The following LBP variants were observed in gnomAD, a reference collection of about 807,000 sequenced individuals.
The protein encoded by LBP is lipopolysaccharide binding protein, also known as lipopolysaccharide-binding protein.
LBP carries 53 observed loss-of-function variants against 56.6 expected under a neutral mutation model. The observed-to-expected ratio is 0.94, with a 90% CI of 0.75 to 1.18. The LOEUF (loss-of-function observed/expected upper bound fraction) is 1.18. Ranked by LOEUF, LBP falls within the 50% of genes most tolerant of loss-of-function variation. The pLI, the probability that LBP is intolerant of heterozygous loss-of-function variation, is 0.00. For missense variants in LBP, 601 were observed against 598.3 expected, an observed-to-expected ratio of 1.00 and a Z score of -0.05; for synonymous variants, 227 against 247.5, an observed-to-expected ratio of 0.92 and a Z score of 0.78.
chr20:38,350,179 G>A (rs1003131198), intron 2 of LBP, among the ~76,000 whole-genome samples: 4 of 152,146 alleles, frequency 2.6e-5, no homozygotes, highest in African/African-American at 9.7e-5. Flanking sequence ...GTGAAGAAAC[G>A]ACAATCAGAC....
intron 8 of LBP, among the ~76,000 whole-genome samples, chr20:38,365,293 C>G (rs2076876712): frequency 6.7e-6 from 1 of 150,176 alleles, no homozygotes; most frequent in African/African-American, 2.5e-5. Flanking sequence ...GACTTTGCAG[C>G]TTACTTATCT....
intron 6 of LBP, among the ~76,000 whole-genome samples, chr20:38,362,041 AT>A (rs2076861918): frequency 8.9e-6 from 1 of 112,210 alleles, no homozygotes; most frequent in Non-Finnish European, 1.9e-5. Context: ...TCACGCCTTT[AT>A]TTTTTGTTTT....
At chr20:38,364,369 T>G (rs2076872959) in intron 7 of LBP, among the ~76,000 whole-genome samples, 1 of 152,092 alleles carries the variant, frequency 6.6e-6, no homozygotes, top group Non-Finnish European at 1.5e-5. Context: ...CTAGGGCATA[T>G]AGAGGGGCTG....
At chr20:38,366,546 A>T (rs1337319562) in intron 8 of LBP, among the ~76,000 whole-genome samples, 1 of 152,204 alleles carries the variant, frequency 6.6e-6, no homozygotes, top group Non-Finnish European at 1.5e-5. Context: ...AGACCCTCTG[A>T]GTGGGAGCCA....
chr20:38,370,791 C>T lies in LBP; in HGVS notation c.1203C>T (p.Phe401=), dbSNP rs146457097. ...LTFNTSKITG[F]LKPGKVKVEL... is the part of the protein sequence containing the mutation. The stretch of plus-strand genomic sequence containing the variant: ...TCAATACCAGCAAGATCACTGGGTT[C>T]CTGAAGCCAGGAAAGTAAGTTGGCC... Residue 401 remains phenylalanine (F), a synonymous_variant, in exon 11 of 15, where the codon TTC becomes TTT. Coordinates refer to ENST00000217407, the MANE Select transcript of LBP (RefSeq NM_004139.5). 1.4e-4 allele frequency: 232 copies of T among 1,614,036 alleles called. No individual in the cohort carries two copies. In the African/African-American group the frequency reaches 2.8e-3, roughly 19 times the overall value.
In LBP at chr20:38,349,758, G is replaced by C. The variant is rs979493816; in HGVS notation, c.239+96G>C. On this transcript the variant is annotated intron_variant, in intron 2 of 14. Transcript: ENST00000217407. ...GAAGAGAGAGCCTCAGGATTGGGCT[G>C]TGGGGGGACCTCTCCGGGGCAGACA... The C allele has an allele frequency of 9.1e-5, 80 of 883,888 alleles. No individual in the cohort carries two copies. The African/African-American group carries it at 1.3e-3, about 15-fold the overall frequency. The allele number at this position is 883,888 out of a possible 1,614,324, so 54.8% of individuals were successfully genotyped here.
intron 5 of LBP, among the ~76,000 whole-genome samples, chr20:38,358,018 A>G (rs1374636956): frequency 6.6e-6 from 1 of 152,178 alleles, no homozygotes; most frequent in Admixed American, 6.5e-5. Flanking sequence ...CTGTTTTATC[A>G]GCAGGGTCTT....
At chr20:38,371,821 C>T (rs557230742) in intron 12 of LBP, among the ~76,000 whole-genome samples, 1 of 152,008 alleles carries the variant, frequency 6.6e-6, no homozygotes, top group Non-Finnish European at 1.5e-5. Context: ...AAAATTTGCA[C>T]ACACACACAC....
intron 1 of LBP, among the ~76,000 whole-genome samples, chr20:38,348,069 G>T (rs923922024): frequency 6.6e-6 from 1 of 152,186 alleles, no homozygotes; most frequent in Non-Finnish European, 1.5e-5. Context: ...CAACATGTGC[G>T]TTTGCTAGAG....
Position 38,348,782 on chromosome 20 carries a change from A to AGTTTTGTTTTGTTTT in LBP, c.125-762_125-761insTGTTTTGTTTTGTTT, listed in dbSNP as rs1397467873. 2.5e-3 allele frequency among the ~76,000 whole-genome samples: 329 copies of AGTTTTGTTTTGTTTT among 131,268 alleles called. 1 individual carries two copies. The highest frequency in any genetic ancestry group is 9.7e-3 in the African/African-American group (319 of 32,736). 86.1% of individuals were successfully genotyped at this position (131,268 alleles called of 152,430 possible). On this transcript the variant is annotated intron_variant, in intron 1 of 14. Transcript: ENST00000217407. Reference sequence around the variant, plus strand: ...AGTTTAGTTTAGTTTAGTTTAGTTTAGTTTAGTTTTGTTTTGTTTTGTTTT... The same window carrying AGTTTTGTTTTGTTTT: ...AGTTTAGTTTAGTTTAGTTTAGTTTAGTTTTGTTTTGTTTTGTTTAGTTTTGTTTTGTTTTGTTTT...
chr20:38,365,703 AAAAAAAAAAAAAAAATAT>A (rs2076878280), intron 8 of LBP, among the ~76,000 whole-genome samples: 1 of 64,640 alleles, frequency 1.5e-5, no homozygotes, highest in African/African-American at 6.8e-5. Context: ...TCTCAAAAAA[AAAAAAAAAAAAAAAATAT>A]ATATATATAT....
At chr20:38,372,699 G>A (rs897625388) in intron 12 of LBP, among the ~76,000 whole-genome samples, 3 of 152,108 alleles carry the variant, frequency 2.0e-5, no homozygotes, top group African/African-American at 7.2e-5. Flanking sequence ...TTGGCATATA[G>A]TGGGGGTTAG....
intron 3 of LBP, among the ~76,000 whole-genome samples, 200 bp from the exon 4 acceptor site, chr20:38,354,084 T>G (rs1302078402): frequency 6.6e-6 from 1 of 152,222 alleles, no homozygotes; most frequent in African/African-American, 2.4e-5. Flanking sequence ...GGATATTGCC[T>G]AGAAAGGCCT....
chr20:38,363,060 C>A (rs533735522), intron 6 of LBP, among the ~76,000 whole-genome samples: 25 of 152,124 alleles, frequency 1.6e-4, no homozygotes, highest in Non-Finnish European at 8.8e-5. Context: ...TAGATGTTTC[C>A]CCATTTATTT....
intron 5 of LBP, among the ~76,000 whole-genome samples, chr20:38,360,463 A>G (rs1163826962): frequency 6.6e-6 from 1 of 152,164 alleles, no homozygotes; most frequent in African/African-American, 2.4e-5. Context: ...TCCCTAGCTC[A>G]GGTGTCCAGC....
rs147999452 is a variant in LBP, at chr20:38,372,750, T to C, written c.1261-322T>C. Among the ~76,000 whole-genome samples, 614 of 152,264 alleles carry C rather than the reference T, an allele frequency of 4.0e-3. 3 individuals are homozygous for C. The highest frequency in any genetic ancestry group is 0.014 in the African/African-American group (588 of 41,546). ...ATTTTGGTAGAGAAGCTTATTTTGT[T>C]TTTATTAAATTTTTTAAATTATGTA... On this transcript the variant is annotated intron_variant, in intron 12 of 14. Transcript: ENST00000217407.
chr20:38,376,850 C>A lies in LBP; in HGVS notation c.*181C>A. The A allele has an allele frequency of 1.4e-6, 1 of 718,418 alleles. No homozygotes were observed. Among genetic ancestry groups the A allele is most frequent in the South Asian group, 1.4e-5 (1 of 69,318 alleles). The allele number at this position is 718,418 out of a possible 1,614,324, so 44.5% of individuals were successfully genotyped here. On this transcript the variant is annotated 3_prime_UTR_variant, in exon 15 of 15. Transcript: ENST00000217407. ...TTCACCAGGTGCATGCATGCCCTCT[C>A]TGAGTCTGGACTTTGCTTCCCCTCC...
chr20:38,362,461 A>G (rs1409285204), intron 6 of LBP, among the ~76,000 whole-genome samples: 2 of 150,862 alleles, frequency 1.3e-5, no homozygotes, highest in African/African-American at 2.4e-5. Context: ...AAAAATACAA[A>G]AATTAGCCAG....
chr20:38,359,304 G>C (rs2122607700), intron 5 of LBP, among the ~76,000 whole-genome samples: 1 of 152,208 alleles, frequency 6.6e-6, no homozygotes, highest in Non-Finnish European at 1.5e-5. Flanking sequence ...GCTGGGGCCG[G>C]GCATGGTGGC....
Sources: allele counts gnomAD v4.1 joint callset (sites outside exome capture counted in the v4.1 genomes callset), GRCh38; gene constraint gnomAD v4.1.1; transcripts MANE v1.5; gene names NCBI Gene and HGNC (gene_info 2026-07-23, HGNC 2026-07-21).